The following NOS1AP variants were observed in gnomAD, a reference collection of about 807,000 sequenced individuals.
NOS1AP encodes nitric oxide synthase 1 adaptor protein, also known as carboxyl-terminal PDZ ligand of neuronal nitric oxide synthase protein.
Under a neutral mutation model 56.2 loss-of-function variants are expected in NOS1AP, and 21 were observed. The observed-to-expected ratio is 0.37, with a 90% CI of 0.26 to 0.54. The LOEUF (loss-of-function observed/expected upper bound fraction) is 0.54, where lower values mean the gene tolerates loss of function less well. Ranked by LOEUF, NOS1AP falls within the 20% of genes least tolerant of loss-of-function variation. The pLI, the probability that NOS1AP is intolerant of heterozygous loss-of-function variation, is 0.84. For missense variants in NOS1AP, 522 were observed against 657.8 expected (o/e 0.79, Z 2.26); for synonymous variants, 270 against 274.6 (o/e 0.98, Z 0.17).
chr1:162,364,105 T>TA (rs962354090), intron 8 of NOS1AP: 67 of 985,246 alleles, frequency 6.8e-5, no homozygotes, highest in African/African-American at 3.5e-4. Context: ...CTTTACTCCC[T>TA]AAAAAAATGT....
intron 2 of NOS1AP, among the ~76,000 whole-genome samples, chr1:162,264,469 C>CCTCTCCTCCCCTCCCCTGT (rs373124349): frequency 3.1e-5 from 1 of 31,856 alleles, no homozygotes; most frequent in Non-Finnish European, 4.6e-5. Flanking sequence ...TCTTCTCCTC[C>CCTCTCCTCCCCTCCCCTGT]CCTCCCCTCC....
intron 2 of NOS1AP, among the ~76,000 whole-genome samples, chr1:162,269,761 A>AT (rs540947808): frequency 0.026 from 3,882 of 149,214 alleles, 68 homozygotes; most frequent in Non-Finnish European, 0.038. Context: ...TATAGATACC[A>AT]TTTTTTTTTT....
At chr1:162,094,584 C>T (rs1185087043) in intron 1 of NOS1AP, among the ~76,000 whole-genome samples, 1 of 152,208 alleles carries the variant, frequency 6.6e-6, no homozygotes, top group Non-Finnish European at 1.5e-5. Flanking sequence ...GTTCTGCAGG[C>T]ATGCCCTGGG....
At chr1:162,227,190 C>T (rs1488624450) in intron 2 of NOS1AP, among the ~76,000 whole-genome samples, 2 of 152,114 alleles carry the variant, frequency 1.3e-5, no homozygotes, top group African/African-American at 2.4e-5. Context: ...GTCTTTCCCC[C>T]GCTGTGCATT....
At chr1:162,261,501 AG>A (rs747822039) in intron 2 of NOS1AP, among the ~76,000 whole-genome samples, 279 of 4,438 alleles carry the variant, frequency 0.063, 108 homozygotes, top group East Asian at 0.41. Context: ...AGAGAGAGAG[AG>A]AGAGAGAGAG....
intron 1 of NOS1AP, among the ~76,000 whole-genome samples, chr1:162,107,362 G>GTCT (rs1394220286): frequency 6.6e-6 from 1 of 152,160 alleles, no homozygotes; most frequent in Non-Finnish European, 1.5e-5. Context: ...TAGAGACAGG[G>GTCT]TCTTCCTCTG....
Position 162,241,249 on chromosome 1 carries a change from C to T in NOS1AP, c.178-46095C>T, listed in dbSNP as rs539522431. ...GTGGGAAAGAGCATTCTAGGTAGAACCATAATCACCAACACTGAAGATAAT... is the reference window on the plus strand; with the variant it reads ...GTGGGAAAGAGCATTCTAGGTAGAATCATAATCACCAACACTGAAGATAAT... On this transcript the variant is annotated intron_variant, in intron 2 of 9. Transcript: ENST00000361897. 2.6e-5 allele frequency among the ~76,000 whole-genome samples: 4 copies of T among 152,090 alleles called. No homozygotes were observed. In the East Asian group the frequency reaches 7.8e-4, roughly 29 times the overall value.
At chr1:162,134,083 A>G (rs942069633) in intron 1 of NOS1AP, among the ~76,000 whole-genome samples, 1 of 152,234 alleles carries the variant, frequency 6.6e-6, no homozygotes, top group Admixed American at 6.5e-5. Context: ...AATTCAATTA[A>G]TAGGATAAAA....
intron 6 of NOS1AP, among the ~76,000 whole-genome samples, chr1:162,345,256 C>A (rs1047090894): frequency 6.6e-5 from 10 of 151,230 alleles, no homozygotes; most frequent in Non-Finnish European, 1.5e-4. Context: ...GCTGCACCCA[C>A]TAACTCATCA....
At chr1:162,125,321 A>G (rs939416742) in intron 1 of NOS1AP, among the ~76,000 whole-genome samples, 4 of 151,892 alleles carry the variant, frequency 2.6e-5, no homozygotes, top group Admixed American at 6.6e-5. Context: ...TTTAGTAGAG[A>G]TGGGGTTTCA....
At chr1:162,306,756 G>A (rs1162353798) in intron 4 of NOS1AP, among the ~76,000 whole-genome samples, 3 of 152,184 alleles carry the variant, frequency 2.0e-5, no homozygotes, top group Admixed American at 2.0e-4. Context: ...GGTCAAAGTG[G>A]TGAAACTCCA....
intron 5 of NOS1AP, among the ~76,000 whole-genome samples, chr1:162,333,554 T>A (rs1284785797): frequency 6.6e-6 from 1 of 152,214 alleles, no homozygotes; most frequent in Non-Finnish European, 1.5e-5. Context: ...TTATTTGTTA[T>A]GGCAACCTTG....
intron 4 of NOS1AP, among the ~76,000 whole-genome samples, chr1:162,316,446 A>G (rs1656233767): frequency 6.6e-6 from 1 of 152,220 alleles, no homozygotes; most frequent in Admixed American, 6.5e-5. Flanking sequence ...CGAGGATGCC[A>G]GTCCTGTCCA....
intron 2 of NOS1AP, among the ~76,000 whole-genome samples, chr1:162,277,621 A>G (rs1444609658): frequency 2.6e-5 from 4 of 152,238 alleles, no homozygotes; most frequent in African/African-American, 9.6e-5. Flanking sequence ...CAACGGGTAG[A>G]AGACTTGGGA....
chr1:162,196,122 G>A (rs528216494), intron 2 of NOS1AP, among the ~76,000 whole-genome samples: 6 of 152,222 alleles, frequency 3.9e-5, no homozygotes, highest in African/African-American at 1.2e-4. Context: ...GTTAAGATTT[G>A]GGTTTTCTGT....
rs140816357 is a variant in NOS1AP, at chr1:162,074,739, C to T, written c.105+4457C>T. 6.9e-3 allele frequency among the ~76,000 whole-genome samples: 1,054 copies of T among 152,282 alleles called. 7 individuals are homozygous for T. Among genetic ancestry groups the T allele is most frequent in the Non-Finnish European group, 0.011 (745 of 68,020 alleles). Reference sequence around the variant, plus strand: ...GTTCTTCTGTTGCTTATGGCGTTGACTGGATCACTCACTTTGCTGCATTCA... The same window carrying T: ...GTTCTTCTGTTGCTTATGGCGTTGATTGGATCACTCACTTTGCTGCATTCA... On this transcript the variant is annotated intron_variant, in intron 1 of 9. Coordinates refer to ENST00000361897, the MANE Select transcript of NOS1AP (RefSeq NM_014697.3).
chr1:162,130,403 T>C (rs1437286532), intron 1 of NOS1AP, among the ~76,000 whole-genome samples: 2 of 152,234 alleles, frequency 1.3e-5, no homozygotes, highest in Non-Finnish European at 2.9e-5. Flanking sequence ...GCTTTGCACC[T>C]AGTGGATACT....
chr1:162,270,579 G>A (rs1475070378), intron 2 of NOS1AP, among the ~76,000 whole-genome samples: 2 of 152,200 alleles, frequency 1.3e-5, no homozygotes, highest in Non-Finnish European at 2.9e-5. Context: ...TAAAACTTAT[G>A]GGGATGTTTT....
chr1:162,292,020 C>T (rs1655296941), intron 3 of NOS1AP, among the ~76,000 whole-genome samples: 1 of 152,190 alleles, frequency 6.6e-6, no homozygotes, highest in African/African-American at 2.4e-5. Context: ...TATATAGTTT[C>T]TCTTATGAAC....
Sources: gnomAD v4.1 joint callset for allele counts (sites outside exome capture counted in the v4.1 genomes callset) on GRCh38, gnomAD v4.1.1 for gene constraint, MANE v1.5 for transcripts, NCBI Gene and HGNC (gene_info 2026-07-23, HGNC 2026-07-21) for gene names.